The following SLC7A9 variants were observed in gnomAD, a reference collection of about 807,000 sequenced individuals.
SLC7A9 encodes the protein solute carrier family 7 member 9.
SLC7A9 carries 38 observed loss-of-function variants against 54.1 expected under a neutral mutation model. That is an observed-to-expected ratio of 0.70 (90% CI 0.54 to 0.92). SLC7A9 has a LOEUF of 0.92. Among genes scored for constraint, SLC7A9 ranks in the 40% least tolerant of loss-of-function variants. The pLI, the probability that SLC7A9 is intolerant of heterozygous loss-of-function variation, is 0.00. For synonymous variants in SLC7A9, 264 were observed against 258.9 expected (o/e 1.02, Z -0.19); for missense variants, 537 against 636.1 (o/e 0.84, Z 1.68).
intron 9 of SLC7A9, among the ~76,000 whole-genome samples, chr19:32,857,459 A>C (rs1968661786): frequency 6.7e-6 from 1 of 149,386 alleles, no homozygotes. Context: ...TAATTAGTTA[A>C]TTAAAATTTA....
At chr19:32,842,597 T>TTTTTGG (rs1968160123) in intron 10 of SLC7A9, among the ~76,000 whole-genome samples, 1 of 148,998 alleles carries the variant, frequency 6.7e-6, no homozygotes, top group Non-Finnish European at 1.5e-5. Flanking sequence ...ACTGTGGGTT[T>TTTTTGG]TTTTGTTTTG....
Position 32,867,915 on chromosome 19 carries a change from G to A in SLC7A9, c.87+533C>T, listed in dbSNP as rs546117093. On this transcript the variant is annotated intron_variant, in intron 2 of 12. Transcript: ENST00000023064. ...ACTGCACTCCAGCCTGGGTGACAGA[G>A]CAAGACTCTGTCTCAAAAAAAAAAA... Among the ~76,000 whole-genome samples the A allele has an allele frequency of 7.4e-5, 9 of 120,942 alleles. No individual in the cohort carries two copies. The East Asian group carries it at 2.3e-3, about 31-fold the overall frequency. The allele number at this position is 120,942 out of a possible 152,430, so 79.3% of individuals were successfully genotyped here. A position where few individuals can be genotyped will look rare whatever the true frequency, so the allele number is the denominator to read the frequency against.
Position 32,843,862 on chromosome 19 carries a change from A to G in SLC7A9, c.1067T>C (p.Ile356Thr). Residue 356 changes from isoleucine to threonine, a missense_variant, in exon 10 of 13, where the codon ATC (isoleucine) becomes ACC (threonine). Coordinates refer to ENST00000023064, the MANE Select transcript of SLC7A9 (RefSeq NM_014270.5). Reference sequence around the variant, plus strand: ...AGCGGGATTTGTACTCACATAAAAGATGATGGCGGGGGCTGGAGTGAGGCG... The same window carrying G: ...AGCGGGATTTGTACTCACATAAAAGGTGATGGCGGGGGCTGGAGTGAGGCG... ...VRRLTPAPAI[I>T]FYGIIATIYI... 1 of 1,612,896 alleles carries G rather than the reference A, an allele frequency of 6.2e-7. No individual in the cohort carries two copies. Among genetic ancestry groups the G allele is most frequent in the Non-Finnish European group, 8.5e-7 (1 of 1,178,944 alleles).
At chr19:32,855,492 G>T (rs543316135) in intron 9 of SLC7A9, among the ~76,000 whole-genome samples, 54 of 152,286 alleles carry the variant, frequency 3.5e-4, no homozygotes, top group South Asian at 6.2e-4. Context: ...GAGGTCAGGA[G>T]ATCAAGACCA....
chr19:32,837,984 C>T (rs925477922), intron 11 of SLC7A9, among the ~76,000 whole-genome samples: 2 of 152,168 alleles, frequency 1.3e-5, no homozygotes, highest in African/African-American at 4.8e-5. Flanking sequence ...AAGAAAACAT[C>T]AACCAGGAAG....
At chr19:32,858,890 G>A (rs1968712005) in intron 8 of SLC7A9, among the ~76,000 whole-genome samples, 1 of 151,858 alleles carries the variant, frequency 6.6e-6, no homozygotes, top group African/African-American at 2.4e-5. Context: ...CCAGGGTCAA[G>A]CGATGCTCGT....
intron 6 of SLC7A9, among the ~76,000 whole-genome samples, chr19:32,861,011 C>A (rs1968785588): frequency 6.6e-6 from 1 of 152,114 alleles, no homozygotes; most frequent in South Asian, 2.1e-4. Context: ...ACCATCGTTG[C>A]AGATGGCCAT....
chr19:32,868,437 GACCGCC>G lies in SLC7A9; in HGVS notation c.87+5_87+10del. On this transcript the variant is annotated splice_donor_5th_base_variant and intron_variant, in intron 2 of 12. Transcript: ENST00000023064. ...CCTGCAAAGGGCCTGCCCCACCAGA[GACCGCC>G]TTACCTCCTTTTGGAGACTGGTGGT... is the stretch of plus-strand genomic sequence containing the variant. 6.2e-7 allele frequency: 1 copy of G among 1,612,110 alleles called. No individual in the cohort carries two copies. The highest frequency in any genetic ancestry group is 1.3e-5 in the African/African-American group (1 of 74,968).
At chr19:32,841,575 G>T (rs1968127801) in intron 11 of SLC7A9, among the ~76,000 whole-genome samples, 3 of 151,946 alleles carry the variant, frequency 2.0e-5, no homozygotes. Flanking sequence ...AAAAAAAAAT[G>T]AAACAAGAAA....
chr19:32,849,455 C>T (rs1404044333), intron 9 of SLC7A9, among the ~76,000 whole-genome samples: 6 of 151,532 alleles, frequency 4.0e-5, no homozygotes, highest in African/African-American at 1.5e-4. Flanking sequence ...TTCCTGGACA[C>T]ATACACCCTC....
chr19:32,840,556 C>G (rs1227832272), intron 11 of SLC7A9, among the ~76,000 whole-genome samples: 2 of 149,082 alleles, frequency 1.3e-5, no homozygotes, highest in African/African-American at 5.2e-5. Context: ...GGGACATGGC[C>G]TCTCTGTGGA....
chr19:32,858,170 C>A (rs559648759), intron 9 of SLC7A9, among the ~76,000 whole-genome samples: 4 of 152,322 alleles, frequency 2.6e-5, no homozygotes, highest in African/African-American at 7.2e-5. Context: ...GCTTCCCCCC[C>A]ATGTTGGGAA....
chr19:32,859,177 G>A (rs1043439307), intron 8 of SLC7A9, among the ~76,000 whole-genome samples: 1 of 152,056 alleles, frequency 6.6e-6, no homozygotes. Flanking sequence ...ACGTCTCACT[G>A]TAGCCTCAAT....
chr19:32,831,031 T>A (rs1967768299), intron 12 of SLC7A9, among the ~76,000 whole-genome samples: 1 of 151,948 alleles, frequency 6.6e-6, no homozygotes. Flanking sequence ...CAGCCAGAGT[T>A]AAATTGCACA....
intron 9 of SLC7A9, among the ~76,000 whole-genome samples, chr19:32,845,045 T>C (rs1968245565): frequency 6.6e-6 from 1 of 151,128 alleles, no homozygotes; most frequent in African/African-American, 2.4e-5. Flanking sequence ...GCGCCTGTAC[T>C]CTGAGCTGCT....
chr19:32,836,208 C>T (rs996021405), intron 11 of SLC7A9, among the ~76,000 whole-genome samples: 10 of 152,084 alleles, frequency 6.6e-5, no homozygotes, highest in Non-Finnish European at 1.2e-4. Context: ...CCACCACACC[C>T]GGCCTAATTT....
At chr19:32,843,789 G>T in intron 10 of SLC7A9, 66 bp downstream of exon 10, 1 of 1,235,686 alleles carries the variant, frequency 8.1e-7, no homozygotes, top group East Asian at 2.3e-5. Context: ...AAGCCGCCGG[G>T]CTTAGCACCC....
At chr19:32,849,229 A>C (rs1968390413) in intron 9 of SLC7A9, among the ~76,000 whole-genome samples, 1 of 152,210 alleles carries the variant, frequency 6.6e-6, no homozygotes, top group Non-Finnish European at 1.5e-5. Context: ...CCCTTCAAAA[A>C]ATTAATGAAT....
rs1024777760 is a variant in SLC7A9 at position 32,860,878 on chromosome 19, C to T, written c.705-228G>A. 2.6e-5 allele frequency among the ~76,000 whole-genome samples: 4 copies of T among 152,138 alleles called. No individual in the cohort carries two copies. In the East Asian group the frequency reaches 7.7e-4, roughly 29 times the overall value. ...CAGCTGGTTGAGCCTTTGCCCTCCT[C>T]GGGAATCACACGGATTTTCAAGAAT... On this transcript the variant is annotated intron_variant, in intron 6 of 12. Coordinates refer to ENST00000023064, the MANE Select transcript of SLC7A9 (RefSeq NM_014270.5).
Sources: gnomAD v4.1 joint callset for allele counts (sites outside exome capture counted in the v4.1 genomes callset) on GRCh38, gnomAD v4.1.1 for gene constraint, MANE v1.5 for transcripts, NCBI Gene and HGNC (gene_info 2026-07-23, HGNC 2026-07-21) for gene names.